Variants in SOX6 observed in about 807,000 individuals in gnomAD.
The protein encoded by SOX6 is transcription factor SOX-6.
Under a neutral mutation model 97.8 loss-of-function variants are expected in SOX6, and 11 were observed. The ratio of observed to expected loss-of-function variants is 0.11; its 90% CI spans 0.07 to 0.19. SOX6 has a LOEUF of 0.19. SOX6 is among the 10% of genes least tolerant of loss of function. The probability of loss-of-function intolerance (pLI) is 1.00; values close to 1 mark genes in which losing one functional copy is unlikely to be tolerated. For synonymous variants in SOX6, 360 were observed against 371.4 expected (o/e 0.97, Z 0.35); for missense variants, 810 against 1,039.5 (o/e 0.78, Z 3.04).
chr11:16,319,844 CTT>C (rs11432524), intron 2 of SOX6, among the ~76,000 whole-genome samples: 6 of 146,970 alleles, frequency 4.1e-5, no homozygotes, highest in East Asian at 2.0e-4. Flanking sequence ...TTATAAACGT[CTT>C]TTTTTTTTTA....
intron 6 of SOX6, among the ~76,000 whole-genome samples, chr11:16,177,257 A>T (rs1851217072): frequency 6.6e-6 from 1 of 151,896 alleles, no homozygotes; most frequent in African/African-American, 2.4e-5. Flanking sequence ...AGTGAATGAG[A>T]ATCATGATGA....
At chr11:16,725,005 T>A (rs927887600) in intron 2 of SOX6, among the ~76,000 whole-genome samples, 4 of 152,278 alleles carry the variant, frequency 2.6e-5, no homozygotes, top group African/African-American at 9.6e-5. Context: ...GCAATTCCAC[T>A]CCTAGACATA....
At chr11:16,546,307 T>C (rs1290844383) in intron 4 of SOX6, among the ~76,000 whole-genome samples, 2 of 152,108 alleles carry the variant, frequency 1.3e-5, no homozygotes, top group Non-Finnish European at 2.9e-5. Flanking sequence ...GCAACCCCTA[T>C]CAAAATACCA....
chr11:16,422,457 C>T (rs1859038113), intron 1 of SOX6, among the ~76,000 whole-genome samples: 2 of 152,298 alleles, frequency 1.3e-5, no homozygotes, highest in African/African-American at 4.8e-5. Context: ...ACTACTGAAG[C>T]AAAGAATAAG....
At chr11:16,504,025 A>G (rs550919468) in intron 4 of SOX6, among the ~76,000 whole-genome samples, 1 of 151,652 alleles carries the variant, frequency 6.6e-6, no homozygotes, top group East Asian at 1.9e-4. Flanking sequence ...CCTGGGCAAC[A>G]GAGTGAAACT....
At chr11:16,723,580 A>C (rs10832675) in intron 2 of SOX6, among the ~76,000 whole-genome samples, 81,113 of 151,892 alleles carry the variant, frequency 0.53, 22,426 homozygotes, top group Admixed American at 0.63. Context: ...GAAGCTGAGG[A>C]GGGCAGATCA....
At chr11:16,278,034 T>C (rs554724753) in intron 3 of SOX6, among the ~76,000 whole-genome samples, 11 of 152,278 alleles carry the variant, frequency 7.2e-5, no homozygotes, top group Admixed American at 2.6e-4. Flanking sequence ...ACAGCCTATA[T>C]ATATATTTCT....
chr11:16,410,228 G>A (rs1439982326), intron 1 of SOX6, among the ~76,000 whole-genome samples: 1 of 151,938 alleles, frequency 6.6e-6, no homozygotes, highest in Admixed American at 6.6e-5. Flanking sequence ...AATTTTAAAA[G>A]TTTCTAAATC....
At chr11:16,469,838 T>G (rs1336479759) in intron 1 of SOX6, among the ~76,000 whole-genome samples, 2 of 152,020 alleles carry the variant, frequency 1.3e-5, no homozygotes, top group Admixed American at 1.3e-4. Context: ...CAAAATTCCA[T>G]CAATACAGCT....
At chr11:16,584,773 T>A (rs1848074241) in intron 4 of SOX6, among the ~76,000 whole-genome samples, 2 of 152,190 alleles carry the variant, frequency 1.3e-5, no homozygotes, top group South Asian at 4.2e-4. Flanking sequence ...GGTCACCAAC[T>A]CAACACCACA....
intron 1 of SOX6, among the ~76,000 whole-genome samples, chr11:16,403,068 C>G: frequency 6.6e-6 from 1 of 151,612 alleles, no homozygotes; most frequent in East Asian, 1.9e-4. Context: ...ATCAAGTATG[C>G]TACCTTTTAA....
chr11:16,394,498 T>C (rs1335455254), intron 1 of SOX6, among the ~76,000 whole-genome samples: 1 of 151,848 alleles, frequency 6.6e-6, no homozygotes, highest in African/African-American at 2.4e-5. Flanking sequence ...CAGCAAAGAT[T>C]TACATAGAAT....
At chr11:16,245,907 G>C (rs1212059605) in intron 3 of SOX6, among the ~76,000 whole-genome samples, 1 of 151,150 alleles carries the variant, frequency 6.6e-6, no homozygotes, top group Admixed American at 6.6e-5. Context: ...TTAAAAATTA[G>C]TATAATTAGT....
At chr11:16,695,866 G>A (rs1848049619) in intron 3 of SOX6, among the ~76,000 whole-genome samples, 1 of 151,950 alleles carries the variant, frequency 6.6e-6, no homozygotes. Context: ...AATTAGCCAG[G>A]CCTGATGTTG....
intron 6 of SOX6, among the ~76,000 whole-genome samples, chr11:16,147,008 T>C (rs1360447562): frequency 6.6e-6 from 1 of 152,204 alleles, no homozygotes; most frequent in Non-Finnish European, 1.5e-5. Flanking sequence ...ACTGGGTATA[T>C]ACCCAAAGGA....
In SOX6 at chr11:16,575,786, G is replaced by A. The variant is rs372807848; in HGVS notation, n.609+36295C>T. On this transcript the variant is annotated intron_variant and non_coding_transcript_variant, in intron 4 of 5. Transcript: ENST00000524520. ...ACTAAATACCAACAGGGAGTATGGG[G>A]GTGTAATTGGGAAGGAAAACAAGTG... is the stretch of plus-strand genomic sequence containing the variant. Among the ~76,000 whole-genome samples, 12 of 152,206 alleles carry A rather than the reference G, an allele frequency of 7.9e-5. No individual in the cohort carries two copies. In the East Asian group the frequency reaches 1.7e-3, roughly 22 times the overall value.
intron 3 of SOX6, among the ~76,000 whole-genome samples, chr11:16,657,733 AT>A (rs1468944138): frequency 2.0e-5 from 3 of 152,212 alleles, no homozygotes; most frequent in Non-Finnish European, 2.9e-5. Context: ...CCCTAGTGAC[AT>A]ATGATGTTGA....
At chr11:16,070,954 C>G (rs901318643) in intron 9 of SOX6, among the ~76,000 whole-genome samples, 2 of 152,244 alleles carry the variant, frequency 1.3e-5, no homozygotes, top group East Asian at 1.9e-4. Context: ...GAGAACAGAT[C>G]AGCACCAGCA....
intron 1 of SOX6, among the ~76,000 whole-genome samples, chr11:16,447,529 AAG>A (rs1167388229): frequency 2.0e-5 from 3 of 151,888 alleles, no homozygotes. Context: ...GAGAAACAGA[AAG>A]AGAGAGAGAT....
Sources: gnomAD v4.1 joint callset for allele counts (sites outside exome capture counted in the v4.1 genomes callset) on GRCh38, gnomAD v4.1.1 for gene constraint, MANE v1.5 for transcripts, NCBI Gene and HGNC (gene_info 2026-07-23, HGNC 2026-07-21) for gene names.